The following CFAP43 variants were observed in gnomAD, a reference collection of about 807,000 sequenced individuals.
The protein encoded by CFAP43 is cilia- and flagella-associated protein 43.
A neutral mutation model predicts 218.9 loss-of-function variants in CFAP43; 155 were observed. The ratio of observed to expected loss-of-function variants is 0.71; its 90% CI spans 0.62 to 0.81. The LOEUF is 0.81. Among genes scored for constraint, CFAP43 ranks in the 30% least tolerant of loss-of-function variants. CFAP43 has a pLI of 0.00. For synonymous variants in CFAP43, 645 were observed against 681.3 expected (o/e 0.95, Z 0.83); for missense variants, 1,778 against 1,954.3 (o/e 0.91, Z 1.70).
chr10:104,145,272 A>T (rs2087906589), intron 31 of CFAP43, among the ~76,000 whole-genome samples: 1 of 152,248 alleles, frequency 6.6e-6, no homozygotes, highest in Non-Finnish European at 1.5e-5. Flanking sequence ...AAATAATGAA[A>T]ATAAATCATT....
intron 27 of CFAP43, among the ~76,000 whole-genome samples, chr10:104,156,658 G>A (rs1481299050): frequency 1.3e-5 from 2 of 152,154 alleles, no homozygotes; most frequent in Non-Finnish European, 2.9e-5. Flanking sequence ...ACAGACTAGA[G>A]AGCTCTCACA....
chr10:104,159,150 C>T (rs2088738121), intron 27 of CFAP43, among the ~76,000 whole-genome samples: 1 of 151,964 alleles, frequency 6.6e-6, no homozygotes, highest in Admixed American at 6.6e-5. Context: ...ACATGTTTGA[C>T]ATTTTCCACG....
At chr10:104,203,856 T>C in intron 7 of CFAP43, 53 bp from the exon 8 acceptor site, 1 of 1,493,258 alleles carries the variant, frequency 6.7e-7, no homozygotes, top group Non-Finnish European at 8.9e-7. Context: ...ATGCATAGTA[T>C]ACTTGCCTCA....
At position 104,179,870 on chromosome 10, in the gene CFAP43, T is replaced by A. The variant is rs1392223157; in HGVS notation, c.2352A>T (p.Glu784Asp). 4 of 1,613,744 alleles carry A rather than the reference T, an allele frequency of 2.5e-6. No homozygotes were observed. The African/African-American group carries it at 5.3e-5, about 22-fold the overall frequency. ...DELVLTDVKK[E>D]IPWIQQKSQE... Reference sequence around the variant, plus strand: ...GGCTTTTTTGTTGTATCCAAGGAATTTCCTTCTTAACATCGGTTAGAACTA... The same window carrying A: ...GGCTTTTTTGTTGTATCCAAGGAATATCCTTCTTAACATCGGTTAGAACTA... Residue 784 changes from glutamate (E) to aspartate (D), a missense_variant, in exon 18 of 38, where the codon GAA (glutamate) becomes GAT (aspartate). Transcript: ENST00000357060.
intron 16 of CFAP43, among the ~76,000 whole-genome samples, chr10:104,183,739 T>C (rs1302758883): frequency 6.6e-6 from 1 of 152,210 alleles, no homozygotes; most frequent in Admixed American, 6.5e-5. Context: ...GTTTGGGTGA[T>C]TACCAATGGA....
intron 28 of CFAP43, among the ~76,000 whole-genome samples, chr10:104,148,349 C>G (rs144627672): frequency 4.9e-4 from 75 of 152,212 alleles, no homozygotes; most frequent in African/African-American, 1.8e-3. Flanking sequence ...AAATCTCAAC[C>G]CCAGTACTAA....
intron 12 of CFAP43, among the ~76,000 whole-genome samples, chr10:104,191,781 T>A (rs1343374938): frequency 1.1e-5 from 1 of 94,116 alleles, no homozygotes; most frequent in Non-Finnish European, 2.1e-5. Context: ...TAAAAAAAAT[T>A]GTGTGTGTGG....
At chr10:104,184,197 G>C (rs1233895594) in intron 16 of CFAP43, among the ~76,000 whole-genome samples, 1 of 152,098 alleles carries the variant, frequency 6.6e-6, no homozygotes, top group Non-Finnish European at 1.5e-5. Context: ...TCCTAACCAT[G>C]GGAGGAATTT....
At chr10:104,144,390 C>T (rs1230697249) in intron 31 of CFAP43, among the ~76,000 whole-genome samples, 2 of 152,192 alleles carry the variant, frequency 1.3e-5, no homozygotes, top group African/African-American at 2.4e-5. Flanking sequence ...ATGGCTCACA[C>T]CTATAATCCC....
At chr10:104,179,180 AG>A in intron 18 of CFAP43, 74 bp from the exon 19 acceptor site, 3 of 1,123,876 alleles carry the variant, frequency 2.7e-6, no homozygotes, top group Non-Finnish European at 2.5e-6. Flanking sequence ...AGAGAGAGAG[AG>A]CAATTCTCTA....
chr10:104,177,107 C>G (rs932751205), intron 19 of CFAP43, among the ~76,000 whole-genome samples: 1 of 151,942 alleles, frequency 6.6e-6, no homozygotes, highest in Admixed American at 6.6e-5. Flanking sequence ...AGAACTTTTT[C>G]TAAAACCAAG....
chr10:104,133,801 T>C lies in CFAP43; in HGVS notation c.4432-17A>G. The C allele has an allele frequency of 6.3e-7, 1 of 1,581,060 alleles. No homozygotes were observed. Among genetic ancestry groups the C allele is most frequent in the Non-Finnish European group, 8.6e-7 (1 of 1,162,530 alleles). On this transcript the variant is annotated splice_polypyrimidine_tract_variant and intron_variant, in intron 34 of 37. Transcript: ENST00000357060. The stretch of plus-strand genomic sequence containing the variant: ...TCCTTGAGTCTTTAAAAAAGTACAT[T>C]AGATATCCATATAATATGATTCTGC...
At chr10:104,225,794 C>G (rs1010647871) in intron 2 of CFAP43, among the ~76,000 whole-genome samples, 1 of 152,324 alleles carries the variant, frequency 6.6e-6, no homozygotes, top group African/African-American at 2.4e-5. Flanking sequence ...GTTACTGTCT[C>G]TAGACTTCAA....
chr10:104,183,807 G>A (rs2089939878), intron 16 of CFAP43, among the ~76,000 whole-genome samples: 1 of 152,174 alleles, frequency 6.6e-6, no homozygotes, highest in Non-Finnish European at 1.5e-5. Flanking sequence ...GTTTGTTGTT[G>A]CCTGAGATAG....
At chr10:104,137,409 C>A (rs559258048) in intron 34 of CFAP43, among the ~76,000 whole-genome samples, 1 of 152,068 alleles carries the variant, frequency 6.6e-6, no homozygotes. Flanking sequence ...TAAGAATAGG[C>A]AAATCCATAC....
intron 11 of CFAP43, 188 bp from the exon 12 acceptor site, chr10:104,192,490 A>T (rs899120067): frequency 1.3e-5 from 7 of 541,652 alleles, no homozygotes. Context: ...CTTTAGGCCA[A>T]TGATATTTCC....
chr10:104,227,376 T>A (rs1462116576), intron 2 of CFAP43, among the ~76,000 whole-genome samples: 1 of 152,212 alleles, frequency 6.6e-6, no homozygotes, highest in African/African-American at 2.4e-5. Context: ...AAAGACTCTA[T>A]CAATTTATAG....
At chr10:104,218,421 C>G (rs867552081) in intron 3 of CFAP43, among the ~76,000 whole-genome samples, 80 of 151,026 alleles carry the variant, frequency 5.3e-4, no homozygotes, top group Middle Eastern at 3.5e-3. Flanking sequence ...AGTCATAAGC[C>G]TTATGCAATT....
chr10:104,178,470 T>C (rs1261777430), intron 19 of CFAP43, among the ~76,000 whole-genome samples: 1 of 152,170 alleles, frequency 6.6e-6, no homozygotes, highest in African/African-American at 2.4e-5. Flanking sequence ...ATAACTATCA[T>C]AGTGTGTATT....
Sources: gnomAD v4.1 joint callset for allele counts (sites outside exome capture counted in the v4.1 genomes callset) on GRCh38, gnomAD v4.1.1 for gene constraint, MANE v1.5 for transcripts, NCBI Gene and HGNC (gene_info 2026-07-23, HGNC 2026-07-21) for gene names.